The following HOMER2 variants were observed in gnomAD, a reference collection of about 807,000 sequenced individuals.
HOMER2 encodes homer protein homolog 2.
HOMER2 carries 27 observed loss-of-function variants against 47.0 expected under a neutral mutation model. That is an observed-to-expected ratio of 0.57 (90% CI 0.42 to 0.79). The LOEUF is 0.79. Ranked by LOEUF, HOMER2 falls within the 30% of genes least tolerant of loss-of-function variation. The pLI is 0.00. For synonymous variants in HOMER2, 161 were observed against 163.8 expected, an observed-to-expected ratio of 0.98 and a Z score of 0.13; for missense variants, 443 against 435.0, an observed-to-expected ratio of 1.02 and a Z score of -0.16.
chr15:82,844,658 A>T (rs1031480370), downstream of HOMER2: 13 of 152,242 alleles, frequency 8.5e-5, no homozygotes, highest in African/African-American at 1.7e-4. Context: ...GAATTTCTTT[A>T]AAAAAAGTAT....
chr15:82,971,068 CA>C (rs2029969841), intron 1 of HOMER2, among the ~76,000 whole-genome samples: 1 of 152,192 alleles, frequency 6.6e-6, no homozygotes, highest in Admixed American at 6.5e-5. Flanking sequence ...ACAGTCCATT[CA>C]AAGGGAAGAT....
chr15:82,871,034 T>C (rs1009669269), intron 3 of HOMER2, among the ~76,000 whole-genome samples: 1 of 152,248 alleles, frequency 6.6e-6, no homozygotes, highest in African/African-American at 2.4e-5. Flanking sequence ...TCATAAGCTC[T>C]TCCTTTTATC....
At chr15:82,907,145 C>T (rs375996138) in intron 1 of HOMER2, among the ~76,000 whole-genome samples, 77 of 152,236 alleles carry the variant, frequency 5.1e-4, no homozygotes, top group Non-Finnish European at 9.6e-4. Context: ...ACTGGAGAGT[C>T]GGGAGTTTGA....
chr15:82,866,800 T>G (rs2051983313), intron 3 of HOMER2, among the ~76,000 whole-genome samples: 4 of 152,234 alleles, frequency 2.6e-5, no homozygotes, highest in Non-Finnish European at 5.9e-5. Flanking sequence ...TCCGCCATGA[T>G]TGTGAGGCCT....
In HOMER2 at chr15:82,849,922, G is replaced by C. The variant is rs745324226; in HGVS notation, c.844-19C>G. The C allele has an allele frequency of 1.5e-5, 24 of 1,610,540 alleles. No individual in the cohort carries two copies. In the South Asian group the frequency reaches 2.5e-4, roughly 17 times the overall value. Reference sequence around the variant, plus strand: ...CTGCCGCCTGGCCAAGCAAAAGGGAGAAGGGTCTAGAAAACTGAGTGACGA... The same window carrying C: ...CTGCCGCCTGGCCAAGCAAAAGGGACAAGGGTCTAGAAAACTGAGTGACGA... On this transcript the variant is annotated intron_variant, in intron 8 of 8. Transcript: ENST00000450735.
At chr15:82,850,019 T>A (rs1596298988) in intron 8 of HOMER2, 116 bp from the exon 9 acceptor site, 1 of 1,027,394 alleles carries the variant, frequency 9.7e-7, no homozygotes, top group East Asian at 2.5e-5. Flanking sequence ...GGGCCAGGGC[T>A]TAAGCTGCCT....
intron 2 of HOMER2, among the ~76,000 whole-genome samples, chr15:82,890,015 G>T (rs184667461): frequency 1.0e-3 from 159 of 152,288 alleles, no homozygotes; most frequent in Non-Finnish European, 2.0e-3. Flanking sequence ...AGGAGGCTCT[G>T]TCATGGATCT....
chr15:82,923,775 T>G (rs896265419), intron 1 of HOMER2, among the ~76,000 whole-genome samples: 2 of 152,210 alleles, frequency 1.3e-5, no homozygotes, highest in Non-Finnish European at 2.9e-5. Flanking sequence ...TGGCAGGGCC[T>G]GACAGCTGGA....
At chr15:82,851,893 G>C (rs1031916420) in intron 7 of HOMER2, among the ~76,000 whole-genome samples, 1 of 152,236 alleles carries the variant, frequency 6.6e-6, no homozygotes, top group Non-Finnish European at 1.5e-5. Flanking sequence ...TGAGTGTCTT[G>C]TGAAATGTTC....
intron 1 of HOMER2, among the ~76,000 whole-genome samples, chr15:82,949,300 T>G (rs2054453659): frequency 6.6e-6 from 1 of 152,100 alleles, no homozygotes; most frequent in Admixed American, 6.5e-5. Flanking sequence ...GGTGGGACAG[T>G]ATTACCTAGG....
chr15:82,869,511 T>G (rs1343400069), intron 3 of HOMER2, among the ~76,000 whole-genome samples: 1 of 126,526 alleles, frequency 7.9e-6, no homozygotes, highest in Non-Finnish European at 1.6e-5. Flanking sequence ...CAGGCTGGAG[T>G]GCAGTGGCGT....
At chr15:82,951,671 A>T (rs1427314061) in intron 1 of HOMER2, among the ~76,000 whole-genome samples, 1 of 152,232 alleles carries the variant, frequency 6.6e-6, no homozygotes, top group Non-Finnish European at 1.5e-5. Flanking sequence ...GGCAGTGGCA[A>T]GGCCACCCCT....
Position 82,927,132 on chromosome 15 carries a change from C to G in HOMER2, c.5+25399G>C, listed in dbSNP as rs74249852. On this transcript the variant is annotated intron_variant, in intron 1 of 8. Transcript: ENST00000450735. ...CGTGGGGGACACAAACATTCAGGCT[C>G]TAGCACATATGATGCCACTCCCAGC... Among the ~76,000 whole-genome samples, 568 of 152,116 alleles carry G rather than the reference C, an allele frequency of 3.7e-3. 11 individuals are homozygous for G. In the East Asian group the frequency reaches 0.059, roughly 16 times the overall value.
intron 1 of HOMER2, among the ~76,000 whole-genome samples, chr15:82,941,020 G>T (rs937037369): frequency 1.3e-5 from 2 of 152,132 alleles, no homozygotes; most frequent in Admixed American, 6.5e-5. Context: ...GCAAGGCAAG[G>T]TTTACATTAT....
chr15:82,889,126 G>C (rs2052631730), intron 2 of HOMER2, among the ~76,000 whole-genome samples: 1 of 152,172 alleles, frequency 6.6e-6, no homozygotes, highest in African/African-American at 2.4e-5. Context: ...AAGTCACAGA[G>C]GTGCAGCCCA....
chr15:82,871,052 G>A (rs553581640), intron 3 of HOMER2, among the ~76,000 whole-genome samples: 2 of 152,206 alleles, frequency 1.3e-5, no homozygotes, highest in African/African-American at 2.4e-5. Flanking sequence ...ATCAGCACAT[G>A]CAAGTGCCTT....
chr15:82,874,277 C>T (rs1179758953), intron 3 of HOMER2, among the ~76,000 whole-genome samples: 1 of 152,194 alleles, frequency 6.6e-6, no homozygotes, highest in Non-Finnish European at 1.5e-5. Context: ...CTGGCCCTTC[C>T]CTGGGTTTGC....
intron 6 of HOMER2, 43 bp from the exon 7 acceptor site, chr15:82,852,295 C>T: frequency 1.5e-6 from 2 of 1,347,388 alleles, no homozygotes; most frequent in South Asian, 1.2e-5. Context: ...GCCAGCTTAA[C>T]ATTAGTCATT....
In HOMER2 at chr15:82,901,888, T is replaced by C. The variant is rs569742850; in HGVS notation, c.6-9047A>G. 3.3e-5 allele frequency among the ~76,000 whole-genome samples: 5 copies of C among 152,338 alleles called. No individual in the cohort carries two copies. The East Asian group carries it at 9.6e-4, about 29-fold the overall frequency. Reference sequence around the variant, plus strand: ...TTCTCAAGCCAAGACTGCCAGGAAATAGCTTGGGGGCTGCATAATACACAG... The same window carrying C: ...TTCTCAAGCCAAGACTGCCAGGAAACAGCTTGGGGGCTGCATAATACACAG... On this transcript the variant is annotated intron_variant, in intron 1 of 8. Transcript: ENST00000450735.
Sources: allele counts gnomAD v4.1 joint callset (sites outside exome capture counted in the v4.1 genomes callset), GRCh38; gene constraint gnomAD v4.1.1; transcripts MANE v1.5; gene names NCBI Gene and HGNC (gene_info 2026-07-23, HGNC 2026-07-21).